PLSCR4: variants seen among roughly 807,000 people sequenced by gnomAD.
PLSCR4 encodes phospholipid scramblase 4.
A neutral mutation model predicts 36.3 loss-of-function variants in PLSCR4; 25 were observed. The ratio of observed to expected loss-of-function variants is 0.69; its 90% confidence interval spans 0.50 to 0.96. The LOEUF is 0.96. Ranked by LOEUF, PLSCR4 falls within the 40% of genes least tolerant of loss-of-function variation. The pLI, the probability that PLSCR4 is intolerant of heterozygous loss-of-function variation, is 0.00. For missense variants in PLSCR4, 408 were observed against 414.7 expected (o/e 0.98, Z 0.14); for synonymous variants, 122 against 132.9 (o/e 0.92, Z 0.56).
intron 2 of PLSCR4, among the ~76,000 whole-genome samples, 178 bp from the exon 3 acceptor site, chr3:146,221,103 A>T (rs2035120670): frequency 6.6e-6 from 1 of 152,236 alleles, no homozygotes; most frequent in African/African-American, 2.4e-5. Flanking sequence ...AAATTTCATG[A>T]ATTTTCAAAC....
intron 1 of PLSCR4, among the ~76,000 whole-genome samples, chr3:146,239,240 T>A (rs985352891): frequency 6.6e-6 from 1 of 152,100 alleles, no homozygotes; most frequent in African/African-American, 2.4e-5. Context: ...ACAAAGTTCT[T>A]ATAGAAATAA....
chr3:146,211,721 TAG>T (rs2034630740), intron 3 of PLSCR4, among the ~76,000 whole-genome samples: 1 of 152,176 alleles, frequency 6.6e-6, no homozygotes, highest in Non-Finnish European at 1.5e-5. Context: ...TTGATTCATT[TAG>T]AGTTTTTGTG....
chr3:146,236,736 C>T (rs1317302234), intron 1 of PLSCR4, among the ~76,000 whole-genome samples: 2 of 152,066 alleles, frequency 1.3e-5, no homozygotes, highest in Non-Finnish European at 2.9e-5. Flanking sequence ...GTAAATTGCC[C>T]CATCTCAGGT....
At chr3:146,225,303 T>C (rs566023916) in intron 1 of PLSCR4, among the ~76,000 whole-genome samples, 53 of 152,202 alleles carry the variant, frequency 3.5e-4, no homozygotes, top group African/African-American at 1.0e-3. Context: ...GGTGTATTTA[T>C]AATCCCTGAG....
chr3:146,213,430 C>T (rs1039400339), intron 3 of PLSCR4, among the ~76,000 whole-genome samples: 3 of 150,752 alleles, frequency 2.0e-5, no homozygotes, highest in African/African-American at 4.9e-5. Flanking sequence ...ATCCCGGGAT[C>T]AAGCCATTCT....
intron 5 of PLSCR4, among the ~76,000 whole-genome samples, chr3:146,200,741 C>T (rs1287877709): frequency 6.6e-6 from 1 of 151,942 alleles, no homozygotes; most frequent in African/African-American, 2.4e-5. Flanking sequence ...CCTTTTTTTA[C>T]TCATCTTTGA....
At chr3:146,214,866 G>A (rs967242156) in intron 3 of PLSCR4, among the ~76,000 whole-genome samples, 5 of 151,876 alleles carry the variant, frequency 3.3e-5, no homozygotes, top group African/African-American at 1.2e-4. Flanking sequence ...ATTGTAAGTG[G>A]GGTATAACAG....
chr3:146,249,394 A>G (rs2036464098), intron 1 of PLSCR4, among the ~76,000 whole-genome samples: 2 of 152,210 alleles, frequency 1.3e-5, no homozygotes, highest in South Asian at 2.1e-4. Context: ...AGTACATTCA[A>G]TTAAATGTTA....
chr3:146,223,180 G>T (rs1038404061), intron 1 of PLSCR4, among the ~76,000 whole-genome samples: 1 of 152,072 alleles, frequency 6.6e-6, no homozygotes, highest in Non-Finnish European at 1.5e-5. Flanking sequence ...ACTCAAAGAA[G>T]AAGACTAGAA....
At position 146,193,303 on chromosome 3, in the gene PLSCR4, G is replaced by A. The variant is rs563352155; in HGVS notation, c.*1108C>T. On this transcript the variant is annotated 3_prime_UTR_variant, in exon 9 of 9. Transcript: ENST00000354952. The stretch of plus-strand genomic sequence containing the variant: ...TTATCTATCATGTCAATAAAAAGAA[G>A]CAAAGCAGTATTAAGCAGCGGTGGA... 1 of 152,172 alleles carries A rather than the reference G, an allele frequency of 6.6e-6. No individual in the cohort carries two copies. Among genetic ancestry groups the A allele is most frequent in the South Asian group, 2.1e-4 (1 of 4,826 alleles). 9.4% of individuals were successfully genotyped at this position (152,172 alleles called of 1,614,324 possible). A position where few individuals can be genotyped will look rare whatever the true frequency, so the allele number is the denominator to read the frequency against.
intron 1 of PLSCR4, among the ~76,000 whole-genome samples, chr3:146,235,089 T>C (rs530112894): frequency 2.6e-5 from 4 of 151,618 alleles, no homozygotes; most frequent in African/African-American, 9.6e-5. Flanking sequence ...CAACACAATA[T>C]AGAATTATAG....
chr3:146,213,434 C>T (rs919568058), intron 3 of PLSCR4, among the ~76,000 whole-genome samples: 1 of 148,522 alleles, frequency 6.7e-6, no homozygotes, highest in African/African-American at 2.5e-5. Context: ...CGGGATCAAG[C>T]CATTCTCCTG....
At chr3:146,234,167 A>G (rs1281281304) in intron 1 of PLSCR4, among the ~76,000 whole-genome samples, 1 of 152,270 alleles carries the variant, frequency 6.6e-6, no homozygotes, top group East Asian at 1.9e-4. Context: ...GAAACAGAAG[A>G]CCAGAAAAAG....
intron 1 of PLSCR4, among the ~76,000 whole-genome samples, chr3:146,225,703 G>C (rs2035436983): frequency 6.6e-6 from 1 of 152,212 alleles, no homozygotes; most frequent in South Asian, 2.1e-4. Flanking sequence ...CCCGGGGCCA[G>C]CAGGGCTGGC....
At chr3:146,228,049 G>T (rs558619766) in intron 1 of PLSCR4, among the ~76,000 whole-genome samples, 27 of 152,304 alleles carry the variant, frequency 1.8e-4, no homozygotes, top group Admixed American at 1.8e-3. Context: ...ATCTTTCTCT[G>T]ATGGCTGTGT....
chr3:146,230,686 G>C (rs1356949400), intron 1 of PLSCR4, among the ~76,000 whole-genome samples: 1 of 152,038 alleles, frequency 6.6e-6, no homozygotes, highest in Non-Finnish European at 1.5e-5. Flanking sequence ...CAATGAGAGA[G>C]GGAAAGGAGA....
intron 1 of PLSCR4, among the ~76,000 whole-genome samples, chr3:146,246,852 A>G (rs1269629489): frequency 6.6e-6 from 1 of 152,188 alleles, no homozygotes; most frequent in East Asian, 1.9e-4. Context: ...ATATAATTCA[A>G]GGAGTCGGCA....
chr3:146,200,778 G>A (rs2034007386), intron 5 of PLSCR4, among the ~76,000 whole-genome samples: 1 of 151,912 alleles, frequency 6.6e-6, no homozygotes, highest in Non-Finnish European at 1.5e-5. Context: ...AGGAACAATG[G>A]GTAAAGTGTA....
chr3:146,202,692 C>G (rs914582633), intron 4 of PLSCR4, among the ~76,000 whole-genome samples: 2 of 152,028 alleles, frequency 1.3e-5, no homozygotes, highest in Admixed American at 6.6e-5. Flanking sequence ...CTTTTTAGTA[C>G]TTTACCACAG....
Sources: allele counts gnomAD v4.1 joint callset (sites outside exome capture counted in the v4.1 genomes callset), GRCh38; gene constraint gnomAD v4.1.1; transcripts MANE v1.5; gene names NCBI Gene and HGNC (gene_info 2026-07-23, HGNC 2026-07-21).